ARHGEF3: variants seen among roughly 807,000 people sequenced by gnomAD.
The protein encoded by ARHGEF3 is Rho guanine nucleotide exchange factor 3, also known as 59.8 kDA protein.
ARHGEF3 carries 28 observed loss-of-function variants against 63.2 expected under a neutral mutation model. The ratio of observed to expected loss-of-function variants is 0.44; its 90% CI spans 0.33 to 0.61. The LOEUF (loss-of-function observed/expected upper bound fraction) is 0.61, where lower values mean the gene tolerates loss of function less well. Ranked by LOEUF, ARHGEF3 falls within the 20% of genes least tolerant of loss-of-function variation. ARHGEF3 has a pLI of 0.03. For missense variants in ARHGEF3, 533 were observed against 659.3 expected (o/e 0.81, Z 2.10); for synonymous variants, 266 against 254.2 (o/e 1.05, Z -0.44).
upstream of ARHGEF3, among the ~76,000 whole-genome samples, chr3:56,806,043 A>T (rs75725040): frequency 6.6e-6 from 1 of 151,222 alleles, no homozygotes; most frequent in Non-Finnish European, 1.5e-5. Context: ...TTTCAGGAGT[A>T]TTTTTTTTTA....
At chr3:56,835,065 A>C (rs759778257) in intron 4 of ARHGEF3, among the ~76,000 whole-genome samples, 5 of 152,228 alleles carry the variant, frequency 3.3e-5, no homozygotes, top group Non-Finnish European at 5.9e-5. Flanking sequence ...CTTTTTACTT[A>C]AAGATGAATT....
chr3:56,891,972 A>C (rs1203829037), intron 3 of ARHGEF3, among the ~76,000 whole-genome samples: 1 of 152,196 alleles, frequency 6.6e-6, no homozygotes, highest in African/African-American at 2.4e-5. Context: ...GTTTGGAGGT[A>C]CAGATGAGAC....
Position 56,834,763 on chromosome 3 carries a change from A to G in ARHGEF3, c.192+47529T>C, listed in dbSNP as rs537775634. Among the ~76,000 whole-genome samples, 1,394 of 151,958 alleles carry G rather than the reference A, an allele frequency of 9.2e-3. 28 individuals are homozygous for G. Among genetic ancestry groups the G allele is most frequent in the African/African-American group, 0.032 (1,307 of 41,410 alleles). On this transcript the variant is annotated intron_variant, in intron 4 of 12. Transcript: ENST00000338458. ...CTGACTTACAAAAAAAAAAAAAAAA[A>G]AAGAATAACAATATCCAGGTATAAA...
chr3:56,820,054 C>A (rs540034542), intron 4 of ARHGEF3, among the ~76,000 whole-genome samples: 1 of 152,344 alleles, frequency 6.6e-6, no homozygotes. Flanking sequence ...AAGTGATCCT[C>A]TCCCCTTGAC....
chr3:56,924,247 C>A (rs1251088891), intron 3 of ARHGEF3, among the ~76,000 whole-genome samples: 2 of 152,178 alleles, frequency 1.3e-5, no homozygotes, highest in African/African-American at 4.8e-5. Flanking sequence ...ACATTGAGAA[C>A]TAGTTGCTTC....
intron 4 of ARHGEF3, among the ~76,000 whole-genome samples, chr3:56,823,815 TA>T (rs1467537123): frequency 2.0e-5 from 3 of 152,084 alleles, no homozygotes; most frequent in Non-Finnish European, 4.4e-5. Flanking sequence ...AAAAAGGCAC[TA>T]ATCTGTGAGC....
At chr3:56,945,452 G>A (rs1455010785) in intron 3 of ARHGEF3, among the ~76,000 whole-genome samples, 2 of 152,152 alleles carry the variant, frequency 1.3e-5, no homozygotes, top group Admixed American at 1.3e-4. Flanking sequence ...CTTAGCAAAT[G>A]GCACACCAGG....
intron 4 of ARHGEF3, among the ~76,000 whole-genome samples, chr3:56,879,265 G>T (rs140880492): frequency 6.6e-6 from 1 of 152,160 alleles, no homozygotes; most frequent in African/African-American, 2.4e-5. Context: ...CCGGCCCCTG[G>T]TGTCAAAAAG....
chr3:56,782,102 G>A (rs768420515), intron 1 of ARHGEF3, among the ~76,000 whole-genome samples: 37 of 152,084 alleles, frequency 2.4e-4, no homozygotes, highest in Non-Finnish European at 4.6e-4. Flanking sequence ...TATTTTTTTG[G>A]AAATAGAAAA....
At chr3:56,852,169 T>G (rs1219030952) in intron 4 of ARHGEF3, among the ~76,000 whole-genome samples, 1 of 152,164 alleles carries the variant, frequency 6.6e-6, no homozygotes. Context: ...GAAAGCCTAC[T>G]AGACAGCAGA....
At chr3:56,830,219 AAC>A (rs2038882512) in intron 4 of ARHGEF3, among the ~76,000 whole-genome samples, 1 of 152,088 alleles carries the variant, frequency 6.6e-6, no homozygotes, top group South Asian at 2.1e-4. Flanking sequence ...CGGTGGTGAT[AAC>A]AGTGACGATG....
chr3:57,033,959 C>T (rs1375067973), intron 2 of ARHGEF3, among the ~76,000 whole-genome samples: 3 of 151,908 alleles, frequency 2.0e-5, no homozygotes, highest in Admixed American at 2.0e-4. Context: ...GCAGGAGAAT[C>T]GTTTGAACCC....
chr3:56,935,396 A>T (rs2042534147), intron 3 of ARHGEF3, among the ~76,000 whole-genome samples: 2 of 152,216 alleles, frequency 1.3e-5, no homozygotes, highest in Non-Finnish European at 2.9e-5. Flanking sequence ...GAATAAAAGC[A>T]GGCTGCCCTA....
At position 57,047,391 on chromosome 3, in the gene ARHGEF3, G is replaced by A. The variant is rs557382613; in HGVS notation, c.-27-12215C>T. Among the ~76,000 whole-genome samples the A allele has an allele frequency of 3.7e-5, 4 of 109,116 alleles. No individual in the cohort carries two copies. In the South Asian group the frequency reaches 9.5e-4, roughly 26 times the overall value. The allele number at this position is 109,116 out of a possible 152,430, so 71.6% of individuals were successfully genotyped here. ...CAAAAACAAACAAAAAAAAAACTTC[G>A]TCTCAAAAACAACAACAACAACAAA... On this transcript the variant is annotated intron_variant, in intron 1 of 12. Coordinates refer to the ARHGEF3 transcript ENST00000338458.
intron 3 of ARHGEF3, among the ~76,000 whole-genome samples, chr3:56,905,190 T>C (rs1447022765): frequency 6.6e-6 from 1 of 152,218 alleles, no homozygotes; most frequent in Non-Finnish European, 1.5e-5. Context: ...ATTTTTTGAA[T>C]AGGTAATATA....
chr3:56,984,740 T>C (rs1701468126), intron 2 of ARHGEF3, among the ~76,000 whole-genome samples: 11 of 152,134 alleles, frequency 7.2e-5, no homozygotes, highest in Admixed American at 7.2e-4. Context: ...GTTTTCTAGA[T>C]TATGAAACAC....
chr3:56,729,452 A>G lies in ARHGEF3; in HGVS notation c.1399T>C (p.Phe467Leu). 6.2e-7 allele frequency: 1 copy of G among 1,613,904 alleles called. No homozygotes were observed. Among genetic ancestry groups the G allele is most frequent in the Non-Finnish European group, 8.5e-7 (1 of 1,179,954 alleles). ...QAGVLDSEGSFLNPTTGSREL... is the reference protein window; with the variant it reads ...QAGVLDSEGSLLNPTTGSREL... Reference sequence around the variant, plus strand: ...CTGCTCCCGGTGGTGGGATTTAGGAACGATCCCTCGGAGTCAAGCACCCCA... The same window carrying G: ...CTGCTCCCGGTGGTGGGATTTAGGAGCGATCCCTCGGAGTCAAGCACCCCA... The change falls in exon 10 of 10, where the codon TTC (phenylalanine) becomes CTC (leucine). Residue 467 changes from phenylalanine to leucine, a missense_variant. Physicochemically the swap from Phe to Leu is conservative, Grantham distance 22. Transcript: ENST00000296315.
chr3:56,997,696 A>C lies in ARHGEF3; in HGVS notation c.62+37392T>G, dbSNP rs1391402022. Among the ~76,000 whole-genome samples the C allele has an allele frequency of 2.6e-5, 4 of 152,146 alleles. No individual in the cohort carries two copies. The East Asian group carries it at 7.7e-4, about 29-fold the overall frequency. Reference sequence around the variant, plus strand: ...CAACAGAGAGACAGCCTGCGAGTACAATGAGAGGCCCCCAGTAGGAGATGA... The same window carrying C: ...CAACAGAGAGACAGCCTGCGAGTACCATGAGAGGCCCCCAGTAGGAGATGA... On this transcript the variant is annotated intron_variant, in intron 2 of 12. Transcript: ENST00000338458.
chr3:57,013,910 G>A (rs558400595), intron 2 of ARHGEF3, among the ~76,000 whole-genome samples: 13 of 152,314 alleles, frequency 8.5e-5, no homozygotes, highest in African/African-American at 2.2e-4. Context: ...GCAGGCTGCC[G>A]GAGCCAGCAG....
Sources: gnomAD v4.1 joint callset for allele counts (sites outside exome capture counted in the v4.1 genomes callset) on GRCh38, gnomAD v4.1.1 for gene constraint, MANE v1.5 for transcripts, NCBI Gene and HGNC (gene_info 2026-07-23, HGNC 2026-07-21) for gene names.